GPBP1: variants seen among roughly 807,000 people sequenced by gnomAD.
The protein encoded by GPBP1 is vasculin.
Under a neutral mutation model 56.5 loss-of-function variants are expected in GPBP1, and 13 were observed. The ratio of observed to expected loss-of-function variants is 0.23; its 90% confidence interval spans 0.15 to 0.37. The LOEUF (loss-of-function observed/expected upper bound fraction) is 0.37. Ranked by LOEUF, GPBP1 falls within the 10% of genes least tolerant of loss-of-function variation. The pLI is 1.00. For synonymous variants in GPBP1, 204 were observed against 188.9 expected (o/e 1.08, Z -0.66); for missense variants, 477 against 572.3 (o/e 0.83, Z 1.70).
At position 57,217,428 on chromosome 5, in the gene GPBP1, C is replaced by G. The variant is rs148008258; in HGVS notation, c.63+3235C>G. Among the ~76,000 whole-genome samples, 710 of 152,086 alleles carry G rather than the reference C, an allele frequency of 4.7e-3. 8 individuals carry two copies. Among genetic ancestry groups the G allele is most frequent in the African/African-American group, 0.016 (658 of 41,460 alleles). ...TCTCTACTAAAAATACAAAATTATCCCGGTGTGGTGGTGCATACCTTAATC... is the reference window on the plus strand; with the variant it reads ...TCTCTACTAAAAATACAAAATTATCGCGGTGTGGTGGTGCATACCTTAATC... On this transcript the variant is annotated intron_variant, in intron 3 of 11. Coordinates refer to ENST00000506184, the MANE Select transcript of GPBP1 (RefSeq NM_022913.4).
intron 2 of GPBP1, among the ~76,000 whole-genome samples, chr5:57,184,920 A>G (rs1398464105): frequency 1.3e-5 from 2 of 152,006 alleles, no homozygotes; most frequent in African/African-American, 4.8e-5. Context: ...TGATGTTTTT[A>G]TTTCATTTTA....
intron 3 of GPBP1, among the ~76,000 whole-genome samples, chr5:57,227,788 C>T (rs933280300): frequency 2.0e-5 from 3 of 152,156 alleles, no homozygotes; most frequent in African/African-American, 7.2e-5. Flanking sequence ...ATCCATGAAA[C>T]AGTATCCAGG....
chr5:57,242,909 C>T (rs1300170070), intron 6 of GPBP1, among the ~76,000 whole-genome samples: 1 of 151,860 alleles, frequency 6.6e-6, no homozygotes, highest in Non-Finnish European at 1.5e-5. Context: ...GCCACCACAC[C>T]TGGCTAACTT....
chr5:57,183,765 A>ATTTTTTTTTTTTTT (rs34608817), intron 2 of GPBP1, among the ~76,000 whole-genome samples: 5 of 133,284 alleles, frequency 3.8e-5, no homozygotes, highest in Non-Finnish European at 4.7e-5. Context: ...GGGGATATGA[A>ATTTTTTTTTTTTTT]TTTTTTTTTT....
intron 2 of GPBP1, among the ~76,000 whole-genome samples, chr5:57,212,672 CTTTT>C (rs550327781): frequency 7.2e-6 from 1 of 139,746 alleles, no homozygotes; most frequent in African/African-American, 2.6e-5. Context: ...TTCTTTTTTT[CTTTT>C]TTTTTTTTTT....
At chr5:57,256,827 A>G (rs1268454672) in intron 10 of GPBP1, among the ~76,000 whole-genome samples, 1 of 152,204 alleles carries the variant, frequency 6.6e-6, no homozygotes, top group South Asian at 2.1e-4. Context: ...AAATGTTTCA[A>G]AGACGTATAT....
At chr5:57,210,577 G>GGTT (rs1235508202) in intron 2 of GPBP1, among the ~76,000 whole-genome samples, 2 of 152,090 alleles carry the variant, frequency 1.3e-5, no homozygotes, top group African/African-American at 4.8e-5. Flanking sequence ...GTATGTACCT[G>GGTT]GTTGTTGTGT....
At chr5:57,261,129 G>C (rs1235862935) in intron 10 of GPBP1, 51 bp from the exon 11 acceptor site, 1 of 1,092,080 alleles carries the variant, frequency 9.2e-7, no homozygotes, top group African/African-American at 1.5e-5. Context: ...AAATGATACT[G>C]TCCTACTCAG....
chr5:57,251,242 T>TA lies in GPBP1; in HGVS notation c.1160+102dup, dbSNP rs139343438. 3.1e-3 allele frequency: 3,097 copies of TA among 996,666 alleles called. 65 individuals carry two copies. The African/African-American group carries it at 0.044, about 14-fold the overall frequency. 61.7% of individuals were successfully genotyped at this position (996,666 alleles called of 1,614,324 possible). A position where few individuals can be genotyped will look rare whatever the true frequency, so the allele number is the denominator to read the frequency against. On this transcript the variant is annotated intron_variant, in intron 10 of 11. Coordinates refer to ENST00000506184, the MANE Select transcript of GPBP1 (RefSeq NM_022913.4). ...TTAACAGGTTTATTGGAATACAACT[T>TA]ACGCCATAAATTTCACCCATTATGA...
At chr5:57,232,194 G>A (rs553077640) in intron 5 of GPBP1, among the ~76,000 whole-genome samples, 3 of 152,186 alleles carry the variant, frequency 2.0e-5, no homozygotes, top group African/African-American at 4.8e-5. Context: ...CACTATGTTG[G>A]CCTAGTTGGT....
chr5:57,174,595 G>A (rs746049292), intron 1 of GPBP1, among the ~76,000 whole-genome samples: 80 of 152,172 alleles, frequency 5.3e-4, no homozygotes, highest in Non-Finnish European at 1.1e-3. Context: ...TCAGGGCTGA[G>A]GGAGTCGAGG....
intron 2 of GPBP1, among the ~76,000 whole-genome samples, chr5:57,212,310 C>T (rs897911393): frequency 3.3e-5 from 5 of 151,958 alleles, no homozygotes; most frequent in South Asian, 2.1e-4. Flanking sequence ...ACTAAAGCAC[C>T]GTTTAGTATT....
At chr5:57,198,647 G>C (rs543076028) in intron 2 of GPBP1, among the ~76,000 whole-genome samples, 1 of 151,800 alleles carries the variant, frequency 6.6e-6, no homozygotes, top group Non-Finnish European at 1.5e-5. Flanking sequence ...TCAAGAGTTC[G>C]AGACGAGCCT....
At chr5:57,189,501 A>C (rs1479849416) in intron 2 of GPBP1, among the ~76,000 whole-genome samples, 1 of 151,658 alleles carries the variant, frequency 6.6e-6, no homozygotes, top group Non-Finnish European at 1.5e-5. Flanking sequence ...GTGGTGATCC[A>C]CCCACCTTGG....
At chr5:57,177,637 C>A (rs1753844036) in intron 2 of GPBP1, among the ~76,000 whole-genome samples, 1 of 136,934 alleles carries the variant, frequency 7.3e-6, no homozygotes, top group Non-Finnish European at 1.6e-5. Flanking sequence ...CCACGCTCGG[C>A]CAATTTTTGC....
intron 3 of GPBP1, among the ~76,000 whole-genome samples, chr5:57,223,135 T>G (rs1288169798): frequency 6.6e-6 from 1 of 152,140 alleles, no homozygotes; most frequent in Non-Finnish European, 1.5e-5. Context: ...TTAAAAAATG[T>G]CCTTAATTTT....
At chr5:57,182,651 G>A (rs1399657935) in intron 2 of GPBP1, among the ~76,000 whole-genome samples, 3 of 151,844 alleles carry the variant, frequency 2.0e-5, no homozygotes, top group East Asian at 1.9e-4. Flanking sequence ...GATTACAGGC[G>A]TGAGCCACCG....
intron 2 of GPBP1, among the ~76,000 whole-genome samples, chr5:57,200,603 G>T (rs1480522540): frequency 6.6e-6 from 1 of 152,006 alleles, no homozygotes; most frequent in Non-Finnish European, 1.5e-5. Context: ...TCCTGACCTT[G>T]TGATTCTCCC....
intron 2 of GPBP1, among the ~76,000 whole-genome samples, chr5:57,186,583 G>C (rs1488728112): frequency 1.3e-5 from 2 of 151,888 alleles, no homozygotes; most frequent in Non-Finnish European, 2.9e-5. Context: ...TTTTTGGGGG[G>C]TGGGGTACAC....
Sources: allele counts gnomAD v4.1 joint callset (sites outside exome capture counted in the v4.1 genomes callset), GRCh38; gene constraint gnomAD v4.1.1; transcripts MANE v1.5; gene names NCBI Gene and HGNC (gene_info 2026-07-23, HGNC 2026-07-21).